Variants in CORIN observed in about 807,000 individuals in gnomAD.
CORIN encodes corin, serine peptidase.
CORIN carries 117 observed loss-of-function variants against 125.3 expected under a neutral mutation model. That is an observed-to-expected ratio of 0.93 (90% CI 0.80 to 1.09). CORIN has a LOEUF of 1.09. Ranked by LOEUF, CORIN falls within the 50% of genes least tolerant of loss-of-function variation. CORIN has a pLI of 0.00. For synonymous variants in CORIN, 450 were observed against 466.4 expected (o/e 0.96, Z 0.45); for missense variants, 1,253 against 1,306.7 (o/e 0.96, Z 0.63).
At chr4:47,823,973 C>A (rs944357967) in intron 1 of CORIN, among the ~76,000 whole-genome samples, 1 of 152,170 alleles carries the variant, frequency 6.6e-6, no homozygotes, top group Admixed American at 6.5e-5. Flanking sequence ...GTTGATGTGG[C>A]TGACGTGCTG....
chr4:47,788,969 A>G (rs1384742337), intron 2 of CORIN, among the ~76,000 whole-genome samples: 1 of 152,190 alleles, frequency 6.6e-6, no homozygotes, highest in Non-Finnish European at 1.5e-5. Context: ...TGTCATTTTA[A>G]TATTTCCTTT....
At chr4:47,743,293 G>A (rs994550997) in intron 5 of CORIN, among the ~76,000 whole-genome samples, 1 of 152,088 alleles carries the variant, frequency 6.6e-6, no homozygotes, top group Non-Finnish European at 1.5e-5. Flanking sequence ...AGAAAGGCAA[G>A]CCATAGGGCA....
At chr4:47,684,099 T>C (rs1262950592) in intron 6 of CORIN, among the ~76,000 whole-genome samples, 1 of 152,226 alleles carries the variant, frequency 6.6e-6, no homozygotes, top group Admixed American at 6.5e-5. Flanking sequence ...TGAACGATCC[T>C]TGATTGTTAA....
intron 5 of CORIN, among the ~76,000 whole-genome samples, chr4:47,732,463 T>A (rs2109816629): frequency 6.6e-6 from 1 of 152,204 alleles, no homozygotes; most frequent in East Asian, 1.9e-4. Flanking sequence ...CCCTCACCCC[T>A]CTAGTAGACT....
intron 5 of CORIN, among the ~76,000 whole-genome samples, chr4:47,735,327 G>C (rs1728075635): frequency 6.6e-6 from 1 of 152,018 alleles, no homozygotes; most frequent in Non-Finnish European, 1.5e-5. Context: ...TTAAATTCTA[G>C]GTAAATATTA....
chr4:47,628,512 T>C (rs983676838), intron 16 of CORIN, among the ~76,000 whole-genome samples: 1 of 151,860 alleles, frequency 6.6e-6, no homozygotes, highest in Non-Finnish European at 1.5e-5. Flanking sequence ...AAATTTCAAG[T>C]ATACAATTTA....
At chr4:47,620,684 G>A (rs982741533) in intron 19 of CORIN, among the ~76,000 whole-genome samples, 2 of 152,224 alleles carry the variant, frequency 1.3e-5, no homozygotes, top group Non-Finnish European at 2.9e-5. Flanking sequence ...CATGATTTTA[G>A]CAATAGTTTT....
chr4:47,837,970 T>C lies in CORIN; in HGVS notation c.-21A>G. 1 of 1,610,436 alleles carries C rather than the reference T, an allele frequency of 6.2e-7. No homozygotes were observed. The highest frequency in any genetic ancestry group is 1.3e-5 in the African/African-American group (1 of 75,050). ...TTCATGGATAAAAAGTCTCGCTTAT[T>C]CTTCTGTCCACTTTTATCTTGGTCG... On this transcript the variant is annotated 5_prime_UTR_variant, in exon 1 of 22. Transcript: ENST00000273857.
chr4:47,827,609 C>A (rs573517114), intron 1 of CORIN, among the ~76,000 whole-genome samples: 1 of 152,210 alleles, frequency 6.6e-6, no homozygotes, highest in Non-Finnish European at 1.5e-5. Flanking sequence ...AGTGGTTTTA[C>A]TTTCCACCCT....
chr4:47,702,006 C>T (rs187630365), intron 5 of CORIN, among the ~76,000 whole-genome samples: 136 of 152,168 alleles, frequency 8.9e-4, no homozygotes, highest in African/African-American at 3.1e-3. Context: ...TATCTATCTG[C>T]CTCTCAATGA....
chr4:47,769,531 A>G (rs1179222738), intron 3 of CORIN, among the ~76,000 whole-genome samples: 1 of 152,094 alleles, frequency 6.6e-6, no homozygotes, highest in East Asian at 1.9e-4. Context: ...AAATCCTAGA[A>G]TTCATATGGA....
At chr4:47,744,790 A>T (rs1279778674) in intron 4 of CORIN, among the ~76,000 whole-genome samples, 1 of 152,208 alleles carries the variant, frequency 6.6e-6, no homozygotes, top group Non-Finnish European at 1.5e-5. Context: ...AGCTAGTTCC[A>T]CATCATCTAA....
At chr4:47,638,721 G>A (rs1723123580) in intron 16 of CORIN, among the ~76,000 whole-genome samples, 1 of 152,074 alleles carries the variant, frequency 6.6e-6, no homozygotes, top group South Asian at 2.1e-4. Flanking sequence ...CCAGTCTCGG[G>A]TATGTCTTTA....
chr4:47,670,573 G>A lies in CORIN; in HGVS notation c.1357+3820C>T, dbSNP rs542150437. ...TGTTGAATAAGAGGGGAAAATGCAC[G>A]AGTAAGCGTAAAACTAAAGGTTGAC... is the stretch of plus-strand genomic sequence containing the variant. On this transcript the variant is annotated intron_variant, in intron 10 of 21. Transcript: ENST00000273857. Among the ~76,000 whole-genome samples the A allele has an allele frequency of 3.3e-5, 5 of 152,302 alleles. No individual in the cohort carries two copies. The South Asian group carries it at 8.3e-4, about 25-fold the overall frequency.
chr4:47,816,352 G>A (rs961772256), intron 1 of CORIN, among the ~76,000 whole-genome samples: 1 of 152,136 alleles, frequency 6.6e-6, no homozygotes, highest in African/African-American at 2.4e-5. Flanking sequence ...TGAAAAATGA[G>A]AAATTCTGTG....
chr4:47,609,079 C>T (rs536421606), intron 19 of CORIN, among the ~76,000 whole-genome samples: 20 of 151,980 alleles, frequency 1.3e-4, no homozygotes, highest in Non-Finnish European at 2.5e-4. Context: ...AGACTTACTC[C>T]AGAAATAGCA....
intron 19 of CORIN, among the ~76,000 whole-genome samples, chr4:47,618,675 C>A (rs923991075): frequency 6.6e-6 from 1 of 150,590 alleles, no homozygotes; most frequent in Non-Finnish European, 1.5e-5. Flanking sequence ...AAAAATTAGC[C>A]GGGCATGGTG....
Position 47,641,990 on chromosome 4 carries a change from C to A in CORIN, c.2128G>T (p.Glu710Ter). Residue 710 changes from glutamate to a stop codon, truncating the protein, a stop_gained, in exon 16 of 22, where the codon GAA (glutamate) becomes TAA (stop). Coordinates refer to ENST00000273857, the MANE Select transcript of CORIN (RefSeq NM_006587.4). LOFTEE classifies it high-confidence loss of function. ...SFLMVHRAAT[E>*]HHVCADGWQE... ...CAGCCATCTGCACACACATGGTGTT[C>A]TGTGGCAGCTCTGTGAACCATCAGA... 1 of 1,613,630 alleles carries A rather than the reference C, an allele frequency of 6.2e-7. No individual in the cohort carries two copies. Among genetic ancestry groups the A allele is most frequent in the South Asian group, 1.1e-5 (1 of 91,052 alleles).
At chr4:47,671,798 C>A (rs1237312193) in intron 10 of CORIN, among the ~76,000 whole-genome samples, 1 of 151,870 alleles carries the variant, frequency 6.6e-6, no homozygotes, top group Admixed American at 6.6e-5. Context: ...ACCATGTTAG[C>A]CAGGATGGTC....
Sources: gnomAD v4.1 joint callset for allele counts (sites outside exome capture counted in the v4.1 genomes callset) on GRCh38, gnomAD v4.1.1 for gene constraint, MANE v1.5 for transcripts, NCBI Gene and HGNC (gene_info 2026-07-23, HGNC 2026-07-21) for gene names.